CLASP1: variants seen among roughly 807,000 people sequenced by gnomAD.
CLASP1 encodes the protein cytoplasmic linker associated protein 1, also known as CLIP-associating protein 1.
A neutral mutation model predicts 192.3 loss-of-function variants in CLASP1; 38 were observed. That is an observed-to-expected ratio of 0.20 (90% confidence interval 0.15 to 0.26). The LOEUF is 0.26. Among genes scored for constraint, CLASP1 ranks in the 10% least tolerant of loss-of-function variants. The pLI, the probability that CLASP1 is intolerant of heterozygous loss-of-function variation, is 1.00. For missense variants in CLASP1, 1,433 were observed against 1,932.5 expected (o/e 0.74, Z 4.85); for synonymous variants, 691 against 712.8 (o/e 0.97, Z 0.49).
At chr2:121,348,260 T>C (rs1215990736) in intron 38 of CLASP1, among the ~76,000 whole-genome samples, 1 of 152,100 alleles carries the variant, frequency 6.6e-6, no homozygotes, top group Non-Finnish European at 1.5e-5. Context: ...ATGATCAAAG[T>C]ATGTTTATAG....
At chr2:121,645,516 T>C (rs1035612747) in intron 1 of CLASP1, among the ~76,000 whole-genome samples, 1 of 152,220 alleles carries the variant, frequency 6.6e-6, no homozygotes, top group Admixed American at 6.5e-5. Flanking sequence ...TTGTTTATTC[T>C]TTCATACATT....
At chr2:121,455,274 G>A (rs919588300) in intron 14 of CLASP1, among the ~76,000 whole-genome samples, 2 of 152,098 alleles carry the variant, frequency 1.3e-5, no homozygotes, top group Non-Finnish European at 2.9e-5. Context: ...AGTTATTAAT[G>A]AGATGGATAT....
At chr2:121,478,785 CACACACA>C (rs1484460980) in intron 8 of CLASP1, among the ~76,000 whole-genome samples, 3 of 84,066 alleles carry the variant, frequency 3.6e-5, no homozygotes, top group African/African-American at 9.1e-5. Flanking sequence ...ACACACACCC[CACACACA>C]CCACACACCA....
At chr2:121,487,605 A>C (rs978990820) in intron 8 of CLASP1, among the ~76,000 whole-genome samples, 54 of 152,112 alleles carry the variant, frequency 3.6e-4, no homozygotes, top group African/African-American at 1.3e-3. Flanking sequence ...GAGTTTACAG[A>C]ATATCTTTCA....
rs529761834 is a variant in CLASP1 at position 121,566,448 on chromosome 2, T to C, written c.196-36123A>G. On this transcript the variant is annotated intron_variant, in intron 2 of 39. Transcript: ENST00000263710. ...GTGGAAACAACTTGGTCCTCTCTTG[T>C]TTTTCTTGAAAGACTGGGTTTTCAA... 6.5e-4 allele frequency among the ~76,000 whole-genome samples: 99 copies of C among 152,330 alleles called. 1 individual carries two copies. Among genetic ancestry groups the C allele is most frequent in the Middle Eastern group, 3.4e-3 (1 of 294 alleles).
intron 22 of CLASP1, among the ~76,000 whole-genome samples, chr2:121,424,067 C>A (rs1001210953): frequency 2.0e-5 from 3 of 152,186 alleles, no homozygotes; most frequent in African/African-American, 7.2e-5. Context: ...CCCACCCGGA[C>A]CAATCCCATT....
At chr2:121,429,004 T>C (rs755774747) in intron 20 of CLASP1, among the ~76,000 whole-genome samples, 5 of 152,156 alleles carry the variant, frequency 3.3e-5, no homozygotes, top group South Asian at 2.1e-4. Flanking sequence ...CTGAAACCCA[T>C]GCTTGTAGTG....
chr2:121,530,558 A>G, intron 2 of CLASP1: 1 of 550,796 alleles, frequency 1.8e-6, no homozygotes, highest in Non-Finnish European at 3.3e-6. Flanking sequence ...ATAAAAGGCA[A>G]TACAGCGTAG....
intron 1 of CLASP1, among the ~76,000 whole-genome samples, chr2:121,627,030 G>C (rs1036698377): frequency 7.3e-6 from 1 of 137,930 alleles, no homozygotes; most frequent in East Asian, 2.2e-4. Context: ...AGCCTTAGGA[G>C]AGTAATTCAG....
chr2:121,510,702 A>G (rs1166446811), intron 7 of CLASP1, among the ~76,000 whole-genome samples: 1 of 151,884 alleles, frequency 6.6e-6, no homozygotes, highest in African/African-American at 2.4e-5. Context: ...GGAGGCCGAG[A>G]TGGAGCGATT....
chr2:121,615,411 G>A (rs2066287317), intron 1 of CLASP1, among the ~76,000 whole-genome samples: 1 of 151,674 alleles, frequency 6.6e-6, no homozygotes, highest in African/African-American at 2.4e-5. Flanking sequence ...GAGGTGAAGA[G>A]TGGTATGGCA....
At chr2:121,571,655 A>C (rs909205822) in intron 2 of CLASP1, among the ~76,000 whole-genome samples, 1 of 152,224 alleles carries the variant, frequency 6.6e-6, no homozygotes, top group Non-Finnish European at 1.5e-5. Context: ...CACAGGAGCC[A>C]TACCATTTAA....
At chr2:121,407,443 T>A (rs1276839722) in intron 25 of CLASP1, 28 bp downstream of exon 26, 1 of 1,612,300 alleles carries the variant, frequency 6.2e-7, no homozygotes, top group South Asian at 1.1e-5. Flanking sequence ...GATTCAAACT[T>A]AGCTCATATT....
chr2:121,578,446 A>G (rs903400093), intron 2 of CLASP1, among the ~76,000 whole-genome samples: 17 of 119,058 alleles, frequency 1.4e-4, no homozygotes, highest in African/African-American at 5.0e-4. Flanking sequence ...AAAAAAAAAA[A>G]GGGCCAGGTG....
intron 1 of CLASP1, among the ~76,000 whole-genome samples, chr2:121,646,363 C>T (rs2073183444): frequency 1.3e-5 from 2 of 152,194 alleles, no homozygotes; most frequent in Admixed American, 1.3e-4. Context: ...CCACCTTGGC[C>T]TCCCAAAATG....
chr2:121,530,763 G>A (rs924146171), intron 2 of CLASP1: 2 of 546,616 alleles, frequency 3.7e-6, no homozygotes, highest in East Asian at 5.7e-5. Flanking sequence ...GTCGAAAGCT[G>A]TGGAGGCTGG....
At chr2:121,447,366 G>C in exon 19 of CLASP1, 4 of 1,590,704 alleles carry the variant, frequency 2.5e-6, no homozygotes, top group Non-Finnish European at 3.4e-6. Context: ...TGGAGGCAAA[G>C]CTGCTGCAGA....
At chr2:121,466,050 C>T (rs1028748480) in intron 9 of CLASP1, among the ~76,000 whole-genome samples, 2 of 152,108 alleles carry the variant, frequency 1.3e-5, no homozygotes, top group African/African-American at 4.8e-5. Flanking sequence ...AAACGTTAGA[C>T]CTAAAAGTCT....
rs143335622 is a variant in CLASP1 at position 121,397,303 on chromosome 2, T to C, written c.2980-20A>G. 1.3e-4 allele frequency: 204 copies of C among 1,607,454 alleles called. No individual in the cohort carries two copies. The African/African-American group carries it at 2.5e-3, about 19-fold the overall frequency. On this transcript the variant is annotated intron_variant, in intron 29 of 39. Coordinates refer to ENST00000263710, the Ensembl canonical transcript of CLASP1. ...TTTGACCTGAAAGAACCAATAATTA[T>C]AAACATTAAGTACACTTGATGAATC...
Sources: allele counts gnomAD v4.1 joint callset (sites outside exome capture counted in the v4.1 genomes callset), GRCh38; gene constraint gnomAD v4.1.1; transcripts MANE v1.5; gene names NCBI Gene and HGNC (gene_info 2026-07-23, HGNC 2026-07-21).